The following ANTXR1 variants were observed in gnomAD, a reference collection of about 807,000 sequenced individuals.
ANTXR1 encodes anthrax toxin receptor 1.
In ANTXR1, 19 loss-of-function variants were observed where a neutral mutation model predicts 78.1. That is an observed-to-expected ratio of 0.24 (90% CI 0.17 to 0.36). The LOEUF (loss-of-function observed/expected upper bound fraction) is 0.36, where lower values mean the gene tolerates loss of function less well. ANTXR1 is among the 10% of genes least tolerant of loss of function. ANTXR1 has a pLI of 1.00. For missense variants in ANTXR1, 518 were observed against 718.6 expected (o/e 0.72, Z 3.19); for synonymous variants, 273 against 260.5 (o/e 1.05, Z -0.46).
In ANTXR1 at chr2:69,182,261, G is replaced by A. The variant is rs116372229; in HGVS notation, c.1186-232G>A. 2.2e-3 allele frequency among the ~76,000 whole-genome samples: 333 copies of A among 152,160 alleles called. 2 individuals are homozygous for A. Among genetic ancestry groups the A allele is most frequent in the African/African-American group, 7.0e-3 (292 of 41,502 alleles). On this transcript the variant is annotated intron_variant, in intron 15 of 17. Coordinates refer to ENST00000303714, the MANE Select transcript of ANTXR1 (RefSeq NM_032208.3). ...CAAGGTCTTTGCATGTGCTGTCCCC[G>A]CTGCCTGGACAATTCCTCCCTAAAT...
rs374348526 is a variant in ANTXR1, at chr2:69,122,910, G to GT, written c.803-100dup. ...AGTTTTTAAGCTCAAAAAGATTTTT[G>GT]TTTTTTTGGTATCTCCCTGGACTTG... On this transcript the variant is annotated intron_variant, in intron 10 of 17. Coordinates refer to ENST00000303714, the MANE Select transcript of ANTXR1 (RefSeq NM_032208.3). 106 of 1,234,208 alleles carry GT rather than the reference G, an allele frequency of 8.6e-5. 2 individuals carry two copies. In the Admixed American group the frequency reaches 1.0e-3, roughly 12 times the overall value. The allele number at this position is 1,234,208 out of a possible 1,614,324, so 76.5% of individuals were successfully genotyped here. A position where few individuals can be genotyped will look rare whatever the true frequency, so the allele number is the denominator to read the frequency against.
At chr2:69,015,758 A>T (rs1326347382) in intron 1 of ANTXR1, among the ~76,000 whole-genome samples, 1 of 152,160 alleles carries the variant, frequency 6.6e-6, no homozygotes, top group South Asian at 2.1e-4. Flanking sequence ...AAAATTTTAC[A>T]CTTCTATAAA....
intron 10 of ANTXR1, among the ~76,000 whole-genome samples, chr2:69,106,541 C>T (rs1273513451): frequency 1.3e-5 from 2 of 152,208 alleles, no homozygotes; most frequent in African/African-American, 4.8e-5. Flanking sequence ...AAAACAGAGC[C>T]CCCTGCAGAA....
At chr2:69,072,398 A>G (rs914986993) in intron 5 of ANTXR1, among the ~76,000 whole-genome samples, 2 of 152,196 alleles carry the variant, frequency 1.3e-5, no homozygotes, top group East Asian at 3.8e-4. Context: ...CCAGGCCTAT[A>G]GAGGTGTCCA....
chr2:69,176,752 C>T (rs939644093), intron 14 of ANTXR1, among the ~76,000 whole-genome samples: 2 of 152,194 alleles, frequency 1.3e-5, no homozygotes, highest in African/African-American at 2.4e-5. Context: ...AGTTCAATGA[C>T]ATTTAAAATT....
intron 10 of ANTXR1, among the ~76,000 whole-genome samples, chr2:69,116,080 A>G (rs1283077498): frequency 6.6e-6 from 1 of 152,206 alleles, no homozygotes; most frequent in East Asian, 1.9e-4. Context: ...AGTAAAAGCC[A>G]TTCTCTCCAC....
intron 7 of ANTXR1, among the ~76,000 whole-genome samples, chr2:69,076,087 A>G (rs933860805): frequency 6.6e-6 from 1 of 152,158 alleles, no homozygotes; most frequent in Non-Finnish European, 1.5e-5. Context: ...CTTGGTATAC[A>G]GGTGCACATC....
At chr2:69,061,259 A>G (rs1670229466) in intron 3 of ANTXR1, among the ~76,000 whole-genome samples, 2 of 152,208 alleles carry the variant, frequency 1.3e-5, no homozygotes, top group Non-Finnish European at 2.9e-5. Flanking sequence ...GAGGAGAAGC[A>G]TATTTTCTGA....
Position 69,124,707 on chromosome 2 carries a change from A to G in ANTXR1, c.951+64A>G, listed in dbSNP as rs560381385. ...TCATTGTCACTATCAACGTTTCTTA[A>G]GCAGTAATCTTCTCCAAAGGTACCC... is the stretch of plus-strand genomic sequence containing the variant. On this transcript the variant is annotated intron_variant, in intron 12 of 17. Transcript: ENST00000303714. 3.8e-6 allele frequency: 6 copies of G among 1,568,732 alleles called. No individual in the cohort carries two copies. The African/African-American group carries it at 8.1e-5, about 21-fold the overall frequency.
chr2:69,232,904 T>C (rs1336670324), intron 17 of ANTXR1, among the ~76,000 whole-genome samples: 1 of 152,100 alleles, frequency 6.6e-6, no homozygotes, highest in Non-Finnish European at 1.5e-5. Context: ...GGTTAGAACA[T>C]GAAAATATGT....
chr2:69,152,334 GAA>G (rs2104430155), intron 13 of ANTXR1, 70 bp downstream of exon 13: 3 of 1,497,868 alleles, frequency 2.0e-6, no homozygotes, highest in East Asian at 4.5e-5. Context: ...TGAGTAGAGA[GAA>G]AGGGATTTTT....
chr2:69,167,082 T>G (rs1030682544), intron 13 of ANTXR1, among the ~76,000 whole-genome samples: 3 of 152,134 alleles, frequency 2.0e-5, no homozygotes, highest in Non-Finnish European at 4.4e-5. Context: ...CAGAAGATAC[T>G]GCACTTGAGA....
intron 1 of ANTXR1, among the ~76,000 whole-genome samples, chr2:69,021,220 G>A (rs779950300): frequency 7.2e-5 from 11 of 152,170 alleles, no homozygotes; most frequent in Non-Finnish European, 1.5e-4. Context: ...CACGTGAGGA[G>A]ACCGAGGTTT....
chr2:69,068,664 C>A (rs1573835709), intron 3 of ANTXR1, among the ~76,000 whole-genome samples: 1 of 152,154 alleles, frequency 6.6e-6, no homozygotes, highest in African/African-American at 2.4e-5. Context: ...GATATAATCC[C>A]AGGTGTAATG....
At chr2:69,151,645 C>G (rs1673401460) in intron 12 of ANTXR1, among the ~76,000 whole-genome samples, 1 of 152,206 alleles carries the variant, frequency 6.6e-6, no homozygotes, top group Admixed American at 6.5e-5. Context: ...TCTGCCCCCA[C>G]CCCCTGGATT....
chr2:69,081,741 T>C (rs748571592), intron 8 of ANTXR1, among the ~76,000 whole-genome samples: 2 of 152,242 alleles, frequency 1.3e-5, no homozygotes, highest in African/African-American at 4.8e-5. Context: ...TCCTTGACTC[T>C]AGAGCCCATG....
intron 9 of ANTXR1, among the ~76,000 whole-genome samples, chr2:69,096,330 G>A (rs9678934): frequency 0.75 from 13,145 of 17,456 alleles, 5,901 homozygotes; most frequent in East Asian, 0.91. Context: ...GGGAGGAAGG[G>A]AGGAAGGGAG....
intron 1 of ANTXR1, among the ~76,000 whole-genome samples, chr2:69,021,425 A>G (rs1671185687): frequency 6.6e-6 from 1 of 152,256 alleles, no homozygotes; most frequent in Non-Finnish European, 1.5e-5. Context: ...CAAAAGTTTT[A>G]TTCTCTGCAT....
intron 10 of ANTXR1, among the ~76,000 whole-genome samples, chr2:69,121,017 A>G (rs948915334): frequency 2.6e-5 from 4 of 152,128 alleles, no homozygotes; most frequent in African/African-American, 9.7e-5. Flanking sequence ...GGATCTTTGC[A>G]GTGCCTCCCC....
Sources: gnomAD v4.1 joint callset for allele counts (sites outside exome capture counted in the v4.1 genomes callset) on GRCh38, gnomAD v4.1.1 for gene constraint, MANE v1.5 for transcripts, NCBI Gene and HGNC (gene_info 2026-07-23, HGNC 2026-07-21) for gene names.